Variants in SPSB1 observed in about 807,000 individuals in gnomAD.
SPSB1 encodes splA/ryanodine receptor domain and SOCS box containing 1, also known as SPRY domain-containing SOCS box protein 1.
In SPSB1, 8 loss-of-function variants were observed where a neutral mutation model predicts 21.2. That is an observed-to-expected ratio of 0.38 (90% CI 0.22 to 0.68). The LOEUF is 0.68. Ranked by LOEUF, SPSB1 falls within the 30% of genes least tolerant of loss-of-function variation. The probability of loss-of-function intolerance (pLI) is 0.53; values close to 1 mark genes in which losing one functional copy is unlikely to be tolerated. For synonymous variants in SPSB1, 169 were observed against 161.7 expected (o/e 1.05, Z -0.34); for missense variants, 242 against 377.8 (o/e 0.64, Z 2.98).
In SPSB1 at chr1:9,334,695, C is replaced by T. The variant is rs553160937; in HGVS notation, c.-149-21048C>T. Among the ~76,000 whole-genome samples, 8 of 152,336 alleles carry T rather than the reference C, an allele frequency of 5.3e-5. 1 individual carries two copies. The highest frequency in any genetic ancestry group is 4.6e-4 in the Admixed American group (7 of 15,304). ...TGCTCCCCGGAGCTCCTGGCACTGA[C>T]CCCCCATTCCTGCTCCCCGGAGCTC... On this transcript the variant is annotated intron_variant, in intron 1 of 2. Coordinates refer to ENST00000328089, the MANE Select transcript of SPSB1 (RefSeq NM_025106.4).
At chr1:9,340,294 C>T (rs1477384128) in intron 1 of SPSB1, among the ~76,000 whole-genome samples, 1 of 152,186 alleles carries the variant, frequency 6.6e-6, no homozygotes, top group Non-Finnish European at 1.5e-5. Context: ...GGGGGGAAGG[C>T]AGGGACACTG....
intron 1 of SPSB1, among the ~76,000 whole-genome samples, chr1:9,332,841 G>A (rs1029158055): frequency 2.6e-5 from 4 of 152,202 alleles, no homozygotes; most frequent in African/African-American, 9.7e-5. Context: ...CATTTTCCCT[G>A]CAGGGTCTAG....
intron 2 of SPSB1, among the ~76,000 whole-genome samples, chr1:9,366,393 C>T (rs926267373): frequency 6.6e-6 from 1 of 152,224 alleles, no homozygotes; most frequent in Admixed American, 6.5e-5. Flanking sequence ...AGAAATGACA[C>T]CTTCAGGCCG....
In SPSB1 at chr1:9,303,602, T is replaced by G. The variant is rs80087011; in HGVS notation, c.-150+10531T>G. Among the ~76,000 whole-genome samples the G allele has an allele frequency of 4.1e-3, 619 of 152,360 alleles. 2 individuals carry two copies. The highest frequency in any genetic ancestry group is 7.0e-3 in the Non-Finnish European group (474 of 68,040). On this transcript the variant is annotated intron_variant, in intron 1 of 2. Coordinates refer to ENST00000328089, the MANE Select transcript of SPSB1 (RefSeq NM_025106.4). ...AGTATTAATTTTACATCATAGTATT[T>G]AAGTTATTGAGTATCAGAGGAGAGA...
intron 1 of SPSB1, among the ~76,000 whole-genome samples, chr1:9,316,100 G>C (rs1478784409): frequency 6.6e-6 from 1 of 152,208 alleles, no homozygotes; most frequent in Non-Finnish European, 1.5e-5. Flanking sequence ...TCCGGGTCCT[G>C]CTGAGGGCAC....
intron 1 of SPSB1, among the ~76,000 whole-genome samples, chr1:9,314,187 A>C (rs1216454479): frequency 2.7e-5 from 4 of 150,698 alleles, no homozygotes; most frequent in African/African-American, 7.3e-5. Context: ...AAAAAAAAAA[A>C]CAAAAAACAA....
In SPSB1 at chr1:9,348,242, C is replaced by CT. The variant is rs1491426961; in HGVS notation, c.-149-7494dup. ...TTACAGGCGTGAGCCACCGCGGCAA[C>CT]TTTTTTTAACCCTGGGCATCCCACA... is the stretch of plus-strand genomic sequence containing the variant. On this transcript the variant is annotated intron_variant, in intron 1 of 2. Transcript: ENST00000328089. The surrounding 1 kb of genome is among the most constrained non-coding windows in gnomAD (Gnocchi z 4.8). 3.3e-5 allele frequency among the ~76,000 whole-genome samples: 5 copies of CT among 151,972 alleles called. No homozygotes were observed. In the East Asian group the frequency reaches 9.7e-4, roughly 30 times the overall value.
Position 9,293,226 on chromosome 1 carries a change from G to A in SPSB1, c.-150+155G>A, listed in dbSNP as rs1164672684. Among the ~76,000 whole-genome samples, 1 of 149,172 alleles carries A rather than the reference G, an allele frequency of 6.7e-6. No homozygotes were observed. The highest frequency in any genetic ancestry group is 2.4e-5 in the African/African-American group (1 of 41,056). ...GGGCGCGGGGGAGCGGGTGGAGTAC[G>A]GGATGGGGACTCGGGGCGCGGCCCC... On this transcript the variant is annotated intron_variant, in intron 1 of 2. Transcript: ENST00000328089. This position sits in a 1 kb window ranked among gnomAD's most constrained non-coding sequence, Gnocchi z 5.1.
intron 1 of SPSB1, among the ~76,000 whole-genome samples, chr1:9,299,963 CAA>C (rs549304734): frequency 0.1 from 9,101 of 88,246 alleles, 922 homozygotes; most frequent in African/African-American, 0.29. Flanking sequence ...GACCCTGTCT[CAA>C]AAAAAAAAAA....
intron 1 of SPSB1, among the ~76,000 whole-genome samples, chr1:9,343,966 TAAA>T (rs59580822): frequency 1.2e-4 from 18 of 152,194 alleles, no homozygotes; most frequent in South Asian, 8.3e-4. Flanking sequence ...TTTGTATTTT[TAAA>T]AGTAGAGATG....
chr1:9,301,321 C>T (rs779912485), intron 1 of SPSB1, among the ~76,000 whole-genome samples: 8 of 151,934 alleles, frequency 5.3e-5, no homozygotes, highest in Non-Finnish European at 8.8e-5. Context: ...TGAGACTCCC[C>T]GCCCCCGCCA....
intron 1 of SPSB1, among the ~76,000 whole-genome samples, chr1:9,295,833 G>A (rs984481727): frequency 6.6e-6 from 1 of 152,138 alleles, no homozygotes; most frequent in Non-Finnish European, 1.5e-5. Context: ...AATTTTTCTC[G>A]AGAAATAGGT....
intron 1 of SPSB1, among the ~76,000 whole-genome samples, chr1:9,300,311 G>T (rs937188885): frequency 6.6e-6 from 1 of 152,180 alleles, no homozygotes; most frequent in African/African-American, 2.4e-5. Flanking sequence ...CAGCCCATTT[G>T]CTGAGTCACC....
At chr1:9,350,560 C>T (rs552372473) in intron 1 of SPSB1, among the ~76,000 whole-genome samples, 99 of 152,334 alleles carry the variant, frequency 6.5e-4, no homozygotes, top group African/African-American at 2.3e-3. Context: ...ACTGTGTAGG[C>T]ACACAGTGTA....
Position 9,348,707 on chromosome 1 carries a change from A to G in SPSB1, c.-149-7036A>G, listed in dbSNP as rs1225878532. On this transcript the variant is annotated intron_variant, in intron 1 of 2. Coordinates refer to ENST00000328089, the MANE Select transcript of SPSB1 (RefSeq NM_025106.4). This position sits in a 1 kb window ranked among gnomAD's most constrained non-coding sequence, Gnocchi z 4.8. Reference sequence around the variant, plus strand: ...AATCCAAAGATGGCCTTTTTCCTGGACCCAGACAACCTTAAATGGCTGTTC... The same window carrying G: ...AATCCAAAGATGGCCTTTTTCCTGGGCCCAGACAACCTTAAATGGCTGTTC... Among the ~76,000 whole-genome samples, 1 of 151,870 alleles carries G rather than the reference A, an allele frequency of 6.6e-6. No homozygotes were observed. The highest frequency in any genetic ancestry group is 1.5e-5 in the Non-Finnish European group (1 of 67,966).
At chr1:9,353,032 T>C (rs1416371226) in intron 1 of SPSB1, among the ~76,000 whole-genome samples, 1 of 152,000 alleles carries the variant, frequency 6.6e-6, no homozygotes, top group Non-Finnish European at 1.5e-5. Context: ...TCCTGCCCCG[T>C]CCTCCCAGGG....
At chr1:9,365,586 T>A (rs1438277169) in intron 2 of SPSB1, among the ~76,000 whole-genome samples, 1 of 152,096 alleles carries the variant, frequency 6.6e-6, no homozygotes, top group Non-Finnish European at 1.5e-5. Context: ...AGGAAACAAT[T>A]TTAGAACATT....
intron 1 of SPSB1, among the ~76,000 whole-genome samples, chr1:9,302,823 G>A (rs1043231185): frequency 3.9e-5 from 6 of 152,130 alleles, no homozygotes; most frequent in East Asian, 3.9e-4. Flanking sequence ...GGTTTCTCCC[G>A]TAGCCAGGAT....
intron 1 of SPSB1, among the ~76,000 whole-genome samples, chr1:9,335,092 A>G (rs12082941): frequency 0.07 from 10,706 of 152,140 alleles, 1,232 homozygotes; most frequent in African/African-American, 0.24. Context: ...TGGTAATTCT[A>G]TTTTGAGTTT....
Sources: allele counts gnomAD v4.1 joint callset (sites outside exome capture counted in the v4.1 genomes callset), GRCh38; gene constraint gnomAD v4.1.1; non-coding constraint Gnocchi (gnomAD v3.1); transcripts MANE v1.5; gene names NCBI Gene and HGNC (gene_info 2026-07-23, HGNC 2026-07-21).